DTNA: variants seen among roughly 807,000 people sequenced by gnomAD.
DTNA encodes dystrophin-related protein 3.
A neutral mutation model predicts 100.7 loss-of-function variants in DTNA; 43 were observed. The observed-to-expected ratio is 0.43, with a 90% CI of 0.33 to 0.55. The LOEUF (loss-of-function observed/expected upper bound fraction) is 0.55, where lower values mean the gene tolerates loss of function less well. DTNA is among the 20% of genes least tolerant of loss of function. DTNA has a pLI of 0.04. For missense variants in DTNA, 798 were observed against 953.9 expected (o/e 0.84, Z 2.15); for synonymous variants, 349 against 347.9 (o/e 1.00, Z -0.04).
At chr18:34,755,881 T>C in intron 1 of DTNA, 95 bp from the exon 2 acceptor site, 2 of 1,071,608 alleles carry the variant, frequency 1.9e-6, no homozygotes, top group Non-Finnish European at 2.8e-6. Flanking sequence ...TTCTATGTGT[T>C]TGTGTCACAA....
Position 34,858,340 on chromosome 18 carries a change from C to T in DTNA, c.1588C>T (p.Pro530Ser). ...LRLEHEQASQ[P>S]TPEKAQQNPT... ...GCTAGAGCATGAACAAGCTTCTCAGCCCACGCCAGAGAAGGCACAGCAAAA... is the reference window on the plus strand; with the variant it reads ...GCTAGAGCATGAACAAGCTTCTCAGTCCACGCCAGAGAAGGCACAGCAAAA... Residue 530 changes from proline to serine, a missense_variant, in exon 16 of 23, where the codon CCC becomes TCC. Pro to Ser is a moderately conservative substitution (Grantham distance 74). Coordinates refer to ENST00000444659, the MANE Select transcript of DTNA (RefSeq NM_001386795.1). 1.2e-6 allele frequency: 2 copies of T among 1,614,138 alleles called. No individual in the cohort carries two copies. Among genetic ancestry groups the T allele is most frequent in the Non-Finnish European group, 1.7e-6 (2 of 1,180,036 alleles).
At chr18:34,695,304 C>T (rs2080370160) in intron 1 of DTNA, among the ~76,000 whole-genome samples, 2 of 152,144 alleles carry the variant, frequency 1.3e-5, no homozygotes, top group Non-Finnish European at 2.9e-5. Context: ...AGGTTTTTCA[C>T]TAAAATATTA....
rs1679642 is a variant in DTNA, at chr18:34,644,561, T to C, written c.-1-111415T>C. 2.1e-3 allele frequency among the ~76,000 whole-genome samples: 321 copies of C among 152,208 alleles called. 3 individuals are homozygous for C. Among genetic ancestry groups the C allele is most frequent in the African/African-American group, 7.4e-3 (308 of 41,560 alleles). On this transcript the variant is annotated intron_variant, in intron 1 of 19. Transcript: ENST00000283365. ...AACATCTCTATTTTTGAGTTACAAG[T>C]TTGGGTTAGTCACTGTTGATTTGTA...
Position 34,843,883 on chromosome 18 carries a change from C to A in DTNA, c.1347-4413C>A, listed in dbSNP as rs115472980. Among the ~76,000 whole-genome samples the A allele has an allele frequency of 7.8e-3, 1,184 of 152,026 alleles. 12 individuals are homozygous for A. Among genetic ancestry groups the A allele is most frequent in the African/African-American group, 0.026 (1,062 of 41,462 alleles). On this transcript the variant is annotated intron_variant, in intron 13 of 22. Transcript: ENST00000444659. ...GATTTTGAAAAATGTGAGTTTATTG[C>A]AATCTGTTGAAAGAAAAAAGAAATT...
chr18:34,621,768 A>T (rs1316230084), intron 1 of DTNA, among the ~76,000 whole-genome samples: 1 of 152,246 alleles, frequency 6.6e-6, no homozygotes, highest in African/African-American at 2.4e-5. Flanking sequence ...GACTATAGTT[A>T]AAAACAATGT....
chr18:34,717,982 T>C (rs539649332), intron 1 of DTNA, among the ~76,000 whole-genome samples: 14 of 152,290 alleles, frequency 9.2e-5, no homozygotes, highest in Non-Finnish European at 1.9e-4. Flanking sequence ...GGGATGAAAG[T>C]AGAATTTAAA....
intron 1 of DTNA, among the ~76,000 whole-genome samples, chr18:34,558,358 T>C (rs894709943): frequency 6.6e-6 from 1 of 152,202 alleles, no homozygotes; most frequent in Admixed American, 6.5e-5. Context: ...AGCTGTAGAC[T>C]GGAGCTGTTC....
intron 1 of DTNA, among the ~76,000 whole-genome samples, chr18:34,735,312 C>G (rs1383790264): frequency 6.6e-6 from 1 of 152,166 alleles, no homozygotes; most frequent in Non-Finnish European, 1.5e-5. Context: ...CCCCAGCCCA[C>G]TGACTCAAAC....
chr18:34,650,113 T>G (rs1344771818), intron 1 of DTNA, among the ~76,000 whole-genome samples: 2 of 152,118 alleles, frequency 1.3e-5, no homozygotes, highest in Non-Finnish European at 2.9e-5. Context: ...GTCAAAAGAC[T>G]TAAATTTGTT....
intron 1 of DTNA, among the ~76,000 whole-genome samples, chr18:34,582,015 A>G (rs1341203441): frequency 6.6e-6 from 1 of 152,198 alleles, no homozygotes; most frequent in East Asian, 1.9e-4. Context: ...ACGCAAACTT[A>G]TAAATTATTA....
chr18:34,839,167 G>A (rs1422629970), intron 13 of DTNA, among the ~76,000 whole-genome samples: 1 of 152,164 alleles, frequency 6.6e-6, no homozygotes, highest in Admixed American at 6.5e-5. Flanking sequence ...CCACAGGATG[G>A]TGATAAAAGA....
intron 1 of DTNA, among the ~76,000 whole-genome samples, chr18:34,500,992 T>C (rs149328198): frequency 5.1e-4 from 78 of 152,342 alleles, no homozygotes; most frequent in Admixed American, 2.4e-3. Flanking sequence ...TCTGGTACTA[T>C]ATAGAATAAA....
chr18:34,850,070 G>A (rs561643516), intron 14 of DTNA, among the ~76,000 whole-genome samples: 39 of 152,210 alleles, frequency 2.6e-4, no homozygotes, highest in African/African-American at 3.4e-4. Context: ...GAAAGATACC[G>A]TCCACACATT....
At chr18:34,493,478 T>C (rs1424083004) in exon 1 of DTNA, 1 of 151,896 alleles carries the variant, frequency 6.6e-6, no homozygotes, top group Non-Finnish European at 1.5e-5. Flanking sequence ...TCTAAGAGTT[T>C]GGCGAGTCAG....
At position 34,624,178 on chromosome 18, in the gene DTNA, A is replaced by G. The variant is rs374494305; in HGVS notation, c.-2+130664A>G. Among the ~76,000 whole-genome samples the G allele has an allele frequency of 6.4e-3, 973 of 152,296 alleles. 6 individuals are homozygous for G. The highest frequency in any genetic ancestry group is 0.023 in the African/African-American group (936 of 41,548). On this transcript the variant is annotated intron_variant, in intron 1 of 19. Transcript: ENST00000283365. Reference sequence around the variant, plus strand: ...ATACAAGGTAGTCGGTTATGGATGGATTGTGTCATGAAGTTTTCTTGAATG... The same window carrying G: ...ATACAAGGTAGTCGGTTATGGATGGGTTGTGTCATGAAGTTTTCTTGAATG...
chr18:34,700,620 G>A (rs1398975452), intron 1 of DTNA, among the ~76,000 whole-genome samples: 2 of 152,184 alleles, frequency 1.3e-5, no homozygotes, highest in Non-Finnish European at 2.9e-5. Flanking sequence ...TTGTGTCTAT[G>A]TAGCTGAGCT....
intron 3 of DTNA, among the ~76,000 whole-genome samples, chr18:34,781,961 G>A (rs553566834): frequency 2.0e-5 from 3 of 152,270 alleles, no homozygotes; most frequent in East Asian, 1.9e-4. Flanking sequence ...CAGCCCTATC[G>A]GTGCTCTTTC....
intron 1 of DTNA, among the ~76,000 whole-genome samples, chr18:34,500,902 G>A (rs182508911): frequency 2.0e-3 from 303 of 152,242 alleles, no homozygotes; most frequent in African/African-American, 7.0e-3. Context: ...CATGTAATCT[G>A]AAAACAGAAA....
intron 11 of DTNA, among the ~76,000 whole-genome samples, chr18:34,836,476 C>T (rs926572848): frequency 6.6e-5 from 10 of 151,928 alleles, no homozygotes; most frequent in African/African-American, 2.4e-4. Context: ...GGTGAAACCC[C>T]ATCTCTACTA....
Sources: allele counts gnomAD v4.1 joint callset (sites outside exome capture counted in the v4.1 genomes callset), GRCh38; gene constraint gnomAD v4.1.1; transcripts MANE v1.5; gene names NCBI Gene and HGNC (gene_info 2026-07-23, HGNC 2026-07-21).